Variants in KIZ observed in about 807,000 individuals in gnomAD.
KIZ encodes centrosomal protein kizuna.
Under a neutral mutation model 79.6 loss-of-function variants are expected in KIZ, and 68 were observed. That is an observed-to-expected ratio of 0.85 (90% CI 0.70 to 1.05). KIZ has a LOEUF of 1.05. Among genes scored for constraint, KIZ ranks in the 50% least tolerant of loss-of-function variants. The probability of loss-of-function intolerance (pLI) is 0.00; values close to 1 mark genes in which losing one functional copy is unlikely to be tolerated. For missense variants in KIZ, 797 were observed against 800.4 expected (o/e 1.00, Z 0.05); for synonymous variants, 280 against 281.8 (o/e 0.99, Z 0.06).
At chr20:21,205,719 T>C in intron 7 of KIZ, 135 bp downstream of exon 7, 1 of 509,986 alleles carries the variant, frequency 2.0e-6, no homozygotes, top group Admixed American at 3.7e-5. Flanking sequence ...TCCCAGCACT[T>C]TTGGATGCTG....
At chr20:21,227,938 TC>T (rs1238698892) in intron 9 of KIZ, among the ~76,000 whole-genome samples, 7 of 152,236 alleles carry the variant, frequency 4.6e-5, no homozygotes, top group Admixed American at 3.9e-4. Flanking sequence ...GAGCAAAGAA[TC>T]CCTGATCTGT....
chr20:21,126,013 C>T (rs1326762030), upstream of KIZ: 7 of 1,332,698 alleles, frequency 5.3e-6, no homozygotes, highest in East Asian at 1.3e-4. Context: ...GCAGGCGGCC[C>T]GGCGCGGTGT....
At chr20:21,238,638 T>C (rs2123489716) in intron 11 of KIZ, among the ~76,000 whole-genome samples, 1 of 152,224 alleles carries the variant, frequency 6.6e-6, no homozygotes, top group Non-Finnish European at 1.5e-5. Context: ...TGGAATGTCA[T>C]CCCACAGTTC....
In KIZ at chr20:21,163,172, AT is replaced by A. The variant is rs371455437; in HGVS notation, c.1352+23del. 457 of 1,476,546 alleles carry A rather than the reference AT, an allele frequency of 3.1e-4. No homozygotes were observed. Among genetic ancestry groups the A allele is most frequent in the Middle Eastern group, 1.1e-3 (6 of 5,518 alleles). The allele number at this position is 1,476,546 out of a possible 1,614,324, so 91.5% of individuals were successfully genotyped here. On this transcript the variant is annotated intron_variant, in intron 6 of 12. Coordinates refer to ENST00000619189, the MANE Select transcript of KIZ (RefSeq NM_018474.6). ...CACCAACAAGAGAGTAAGCCATTCA[AT>A]TTTTTTTTTCTACTGTTCTGTTTTT...
At chr20:21,166,341 A>C in intron 6 of KIZ, 1 of 1,604,822 alleles carries the variant, frequency 6.2e-7, no homozygotes, top group East Asian at 2.2e-5. Context: ...CCATTTTTCC[A>C]GGTCTTTGAG....
chr20:21,156,207 A>G (rs2033374337), intron 4 of KIZ, among the ~76,000 whole-genome samples: 1 of 152,240 alleles, frequency 6.6e-6, no homozygotes, highest in Non-Finnish European at 1.5e-5. Flanking sequence ...CACACTTGGC[A>G]AATCTAGGAA....
intron 9 of KIZ, among the ~76,000 whole-genome samples, chr20:21,224,439 A>T (rs1405338668): frequency 6.6e-6 from 1 of 152,254 alleles, no homozygotes; most frequent in Non-Finnish European, 1.5e-5. Context: ...GTACAATTTG[A>T]AAAAGCACTT....
intron 4 of KIZ, chr20:21,158,445 G>A (rs1276784382): frequency 6.6e-6 from 1 of 152,196 alleles, no homozygotes. Flanking sequence ...GATAATCACT[G>A]CAGCATGATT....
At chr20:21,208,199 G>C (rs1030504633) in intron 7 of KIZ, among the ~76,000 whole-genome samples, 4 of 152,032 alleles carry the variant, frequency 2.6e-5, no homozygotes, top group Non-Finnish European at 5.9e-5. Flanking sequence ...AAATGATATT[G>C]TTTATATTAG....
intron 7 of KIZ, among the ~76,000 whole-genome samples, chr20:21,206,719 A>G (rs2035842389): frequency 6.6e-6 from 1 of 152,208 alleles, no homozygotes; most frequent in African/African-American, 2.4e-5. Context: ...GAGCTGTGAT[A>G]GGATTTCTGC....
intron 11 of KIZ, among the ~76,000 whole-genome samples, chr20:21,235,916 C>T (rs756789290): frequency 5.9e-5 from 9 of 152,154 alleles, no homozygotes; most frequent in Non-Finnish European, 1.0e-4. Flanking sequence ...TGCCATTTTC[C>T]CCAGGATAAC....
chr20:21,141,800 C>G, intron 3 of KIZ, among the ~76,000 whole-genome samples: 1 of 137,110 alleles, frequency 7.3e-6, no homozygotes, highest in Non-Finnish European at 1.5e-5. Flanking sequence ...CTCCTCCCAA[C>G]ACACACACAC....
chr20:21,187,215 A>G (rs2034910800), intron 6 of KIZ, among the ~76,000 whole-genome samples: 1 of 152,204 alleles, frequency 6.6e-6, no homozygotes, highest in Non-Finnish European at 1.5e-5. Context: ...TAAGGGTTCA[A>G]CAGCAAACCA....
Position 21,217,439 on chromosome 20 carries a change from G to A in KIZ, c.1678+1791G>A, listed in dbSNP as rs137981543. On this transcript the variant is annotated intron_variant, in intron 9 of 12. Coordinates refer to ENST00000619189, the MANE Select transcript of KIZ (RefSeq NM_018474.6). ...GTTTAATTTAAGACAGAGTCTGTCTGCCTCTTTATAATAGTTCTGTTGGGG... is the reference window on the plus strand; with the variant it reads ...GTTTAATTTAAGACAGAGTCTGTCTACCTCTTTATAATAGTTCTGTTGGGG... Among the ~76,000 whole-genome samples the A allele has an allele frequency of 2.0e-5, 3 of 152,326 alleles. No homozygotes were observed. In the East Asian group the frequency reaches 5.8e-4, roughly 29 times the overall value.
chr20:21,228,208 G>T (rs2036717577), intron 9 of KIZ, among the ~76,000 whole-genome samples: 1 of 152,150 alleles, frequency 6.6e-6, no homozygotes, highest in Non-Finnish European at 1.5e-5. Flanking sequence ...TGCAGACATG[G>T]ATGCTGTTTT....
intron 6 of KIZ, 27 bp downstream of exon 6, chr20:21,163,186 CT>C (rs1306291303): frequency 6.7e-7 from 1 of 1,498,634 alleles, no homozygotes; most frequent in South Asian, 1.2e-5. Context: ...TTTTTTTCTA[CT>C]GTTCTGTTTT....
intron 2 of KIZ, among the ~76,000 whole-genome samples, chr20:21,134,949 G>GA (rs2032095307): frequency 1.3e-5 from 2 of 152,010 alleles, no homozygotes; most frequent in Admixed American, 1.3e-4. Context: ...TTACAGCCAT[G>GA]AACCCCCATG....
chr20:21,140,369 A>T (rs1445764806), intron 3 of KIZ, among the ~76,000 whole-genome samples: 1 of 152,234 alleles, frequency 6.6e-6, no homozygotes. Context: ...GTAGAATTCC[A>T]GAAAGTGCAA....
chr20:21,219,662 G>T (rs1279895827), intron 9 of KIZ, among the ~76,000 whole-genome samples: 1 of 152,108 alleles, frequency 6.6e-6, no homozygotes, highest in Non-Finnish European at 1.5e-5. Context: ...TATTGCTTCT[G>T]TGACCCCTGA....
Sources: allele counts gnomAD v4.1 joint callset (sites outside exome capture counted in the v4.1 genomes callset), GRCh38; gene constraint gnomAD v4.1.1; transcripts MANE v1.5; gene names NCBI Gene and HGNC (gene_info 2026-07-23, HGNC 2026-07-21).